Variants in C1QTNF8 observed in about 807,000 individuals in gnomAD.
C1QTNF8 encodes the protein complement C1q tumor necrosis factor-related protein 8.
C1QTNF8 carries 27 observed loss-of-function variants against 19.2 expected under a neutral mutation model. The observed-to-expected ratio is 1.41, with a 90% CI of 1.04 to 1.94. The LOEUF (loss-of-function observed/expected upper bound fraction) is 1.94. C1QTNF8 is among the 30% of genes most tolerant of loss of function. The pLI is 0.00. For synonymous variants in C1QTNF8, 208 were observed against 172.8 expected (o/e 1.20, Z -1.60); for missense variants, 484 against 374.4 (o/e 1.29, Z -2.42).
chr16:1,091,434 C>T (rs1226056549), intron 4 of C1QTNF8, among the ~76,000 whole-genome samples: 1 of 152,090 alleles, frequency 6.6e-6, no homozygotes, highest in Non-Finnish European at 1.5e-5. Flanking sequence ...GGAGGGAGGC[C>T]CAGGTCAGGT....
chr16:1,094,948 A>G lies in C1QTNF8; in HGVS notation c.-11-15T>C. The G allele has an allele frequency of 1.3e-5, 15 of 1,156,996 alleles. No individual in the cohort carries two copies. The highest frequency in any genetic ancestry group is 1.6e-5 in the Non-Finnish European group (14 of 891,698). 71.7% of individuals were successfully genotyped at this position (1,156,996 alleles called of 1,614,324 possible). A position where few individuals can be genotyped will look rare whatever the true frequency, so the allele number is the denominator to read the frequency against. ...CTTGGCCAGGGCTGGGGGAGAGGAAAGAGGGGAGGGACTGAGAAGGAGGTG... is the reference window on the plus strand; with the variant it reads ...CTTGGCCAGGGCTGGGGGAGAGGAAGGAGGGGAGGGACTGAGAAGGAGGTG... On this transcript the variant is annotated splice_polypyrimidine_tract_variant and intron_variant, in intron 2 of 4. Transcript: ENST00000328449.
Position 1,089,539 on chromosome 16 carries a change from G to A in C1QTNF8, c.*1060C>T, listed in dbSNP as rs996961832. ...TGCTGCACGGGAAGCTGAGGCGACA[G>A]GCAGAGCTGGCAGGGACACGGGCTC... On this transcript the variant is annotated 3_prime_UTR_variant, in exon 5 of 5. Coordinates refer to ENST00000328449, the MANE Select transcript of C1QTNF8 (RefSeq NM_207419.3). Among the ~76,000 whole-genome samples, 31 of 152,252 alleles carry A rather than the reference G, an allele frequency of 2.0e-4. No individual in the cohort carries two copies. Among genetic ancestry groups the A allele is most frequent in the African/African-American group, 7.0e-4 (29 of 41,466 alleles).
rs1192538113 is a variant in C1QTNF8 at position 1,088,458 on chromosome 16, G to T, written c.*2141C>A. On this transcript the variant is annotated 3_prime_UTR_variant, in exon 5 of 5. Transcript: ENST00000328449. ...GTGGCTCCCCCTTGTCTCCTAAGTG[G>T]CCAGGGCAGCACGAGGCTGTCGCTG... is the stretch of plus-strand genomic sequence containing the variant. Among the ~76,000 whole-genome samples the T allele has an allele frequency of 3.9e-5, 6 of 152,154 alleles. 1 individual carries two copies. The highest frequency in any genetic ancestry group is 2.0e-4 in the Admixed American group (3 of 15,272).
intron 3 of C1QTNF8, among the ~76,000 whole-genome samples, 192 bp from the exon 4 acceptor site, chr16:1,094,243 G>A (rs1445133274): frequency 1.3e-5 from 2 of 152,212 alleles, no homozygotes; most frequent in African/African-American, 2.4e-5. Context: ...GGTGTGGCTA[G>A]ACCAAGGCCT....
Position 1,093,968 on chromosome 16 carries a change from G to A in C1QTNF8, c.292C>T (p.Arg98Cys), listed in dbSNP as rs761816202. The A allele has an allele frequency of 8.2e-6, 12 of 1,468,048 alleles. No individual in the cohort carries two copies. The highest frequency in any genetic ancestry group is 2.7e-5 in the South Asian group (2 of 73,146). The allele number at this position is 1,468,048 out of a possible 1,614,324, so 90.9% of individuals were successfully genotyped here. Residue 98 changes from arginine (R) to cysteine (C), a missense_variant, in exon 4 of 5, where the codon CGC becomes TGC. Arg to Cys is a radical substitution (Grantham distance 180, BLOSUM62 -3). Transcript: ENST00000328449. ...CCCACCTGCCCCTTCTGGCCTCTGC[G>A]GCCCTGCAGGCCCCGGGCGCCTGGC... Reference protein sequence around the residue: ...GPPGARGLQGRRGQKGQVGPP... With the variant: ...GPPGARGLQGCRGQKGQVGPP...
Position 1,089,655 on chromosome 16 carries a change from G to T in C1QTNF8, c.*944C>A, listed in dbSNP as rs748922483. Among the ~76,000 whole-genome samples, 1 of 152,200 alleles carries T rather than the reference G, an allele frequency of 6.6e-6. No homozygotes were observed. Among genetic ancestry groups the T allele is most frequent in the African/African-American group, 2.4e-5 (1 of 41,440 alleles). On this transcript the variant is annotated 3_prime_UTR_variant, in exon 5 of 5. Transcript: ENST00000328449. ...TGGGAACGGGCTGAGTGAGCACAAG[G>T]CTCCCCAGAGTGCTGACCAGGCGCC... is the stretch of plus-strand genomic sequence containing the variant.
rs1484844420 is a variant in C1QTNF8 at position 1,093,633 on chromosome 16, C to T, written c.627G>A (p.Leu209=). 6.2e-7 allele frequency: 1 copy of T among 1,609,308 alleles called. No individual in the cohort carries two copies. Among genetic ancestry groups the T allele is most frequent in the Admixed American group, 1.7e-5 (1 of 59,702 alleles). ...RSVMQAQSLM[L]LLAAGDAVWV... ...AGACGGCGTCGCCCGCCGCCAGCAG[C>T]AGCATCAGGCTCTGGGCCTGCATGA... Residue 209 remains leucine (L), a synonymous_variant, in exon 4 of 5, where the codon CTG becomes CTA. Coordinates refer to ENST00000328449, the MANE Select transcript of C1QTNF8 (RefSeq NM_207419.3).
Position 1,089,871 on chromosome 16 carries a change from AG to A in C1QTNF8, c.*727del, listed in dbSNP as rs1960508066. The stretch of plus-strand genomic sequence containing the variant: ...CTCTAAGGCGGAAGCCTCTGTGCCA[AG>A]GCCCCGTGAGTGCCCGGAGATGGCT... On this transcript the variant is annotated 3_prime_UTR_variant, in exon 5 of 5. Transcript: ENST00000328449. The A allele has an allele frequency of 6.6e-6, 1 of 152,222 alleles. No homozygotes were observed. The highest frequency in any genetic ancestry group is 1.5e-5 in the Non-Finnish European group (1 of 68,084). 9.4% of individuals were successfully genotyped at this position (152,222 alleles called of 1,614,324 possible). A position where few individuals can be genotyped will look rare whatever the true frequency, so the allele number is the denominator to read the frequency against.
rs1013841173 is a variant in C1QTNF8 at position 1,088,753 on chromosome 16, C to A, written c.*1846G>T. ...ATTCATTAGACACCCCCGCCAGCTT[C>A]CAAGAGACCTTGCACCCCTGCCCGC... On this transcript the variant is annotated 3_prime_UTR_variant, in exon 5 of 5. Transcript: ENST00000328449. Among the ~76,000 whole-genome samples the A allele has an allele frequency of 1.3e-5, 2 of 152,226 alleles. No homozygotes were observed. The highest frequency in any genetic ancestry group is 2.9e-5 in the Non-Finnish European group (2 of 68,020).
chr16:1,091,855 C>T (rs915906543), intron 4 of C1QTNF8, among the ~76,000 whole-genome samples: 5 of 145,876 alleles, frequency 3.4e-5, no homozygotes, highest in Non-Finnish European at 6.0e-5. Flanking sequence ...TCCCGGCCAC[C>T]GTGAGTGCTG....
chr16:1,094,838 A>G lies in C1QTNF8; in HGVS notation c.85T>C (p.Cys29Arg). ...PGLPRRPCVHCCRPAWPPGPY... is the reference protein window; with the variant it reads ...PGLPRRPCVHRCRPAWPPGPY... ...CCAGGGGGCCAGGCCGGGCGGCAGC[A>G]GTGCACACAGGGCCTCCTGGGCAGC... is the stretch of plus-strand genomic sequence containing the variant. Residue 29 changes from cysteine to arginine, a missense_variant, in exon 3 of 5, where the codon TGC becomes CGC. Physicochemically the swap from Cys to Arg is radical, Grantham distance 180 (BLOSUM62 -3). Coordinates refer to ENST00000328449, the MANE Select transcript of C1QTNF8 (RefSeq NM_207419.3). 1.4e-6 allele frequency: 2 copies of G among 1,450,808 alleles called. No individual in the cohort carries two copies. The highest frequency in any genetic ancestry group is 1.5e-5 in the South Asian group (1 of 65,662). 89.9% of individuals were successfully genotyped at this position (1,450,808 alleles called of 1,614,324 possible).
Position 1,093,687 on chromosome 16 carries a change from C to T in C1QTNF8, c.573G>A (p.Val191=). The change falls in exon 4 of 5, where the codon GTG becomes GTA. Residue 191 remains valine, a synonymous_variant. Coordinates refer to ENST00000328449, the MANE Select transcript of C1QTNF8 (RefSeq NM_207419.3). ...TGCGCTCGCTGGGCTGCGCGTAGAG[C>T]ACGGCCGCGGGCCGCCGGTTCAGCA... ...HIMLNRRPAA[V]LYAQPSERSV... The T allele has an allele frequency of 6.2e-7, 1 of 1,610,934 alleles. No individual in the cohort carries two copies. The highest frequency in any genetic ancestry group is 1.3e-5 in the African/African-American group (1 of 75,000).
Position 1,093,909 on chromosome 16 carries a change from G to GGCGTAGGC in C1QTNF8, c.343_350dup (p.Ala118ProfsTer29). ...CCTCGCGCCGGCCCACGGAGAAGGC[G>GGCGTAGGC]GCGTAGGCACGTCGGCACGCGGCGC... On this transcript the variant is annotated frameshift_variant, in exon 4 of 5. Transcript: ENST00000328449. LOFTEE classifies it high-confidence loss of function. 7 of 1,548,092 alleles carry GGCGTAGGC rather than the reference G, an allele frequency of 4.5e-6. No individual in the cohort carries two copies. Among genetic ancestry groups the GGCGTAGGC allele is most frequent in the East Asian group, 2.4e-5 (1 of 42,384 alleles).
chr16:1,093,838 T>C lies in C1QTNF8; in HGVS notation c.422A>G (p.Glu141Gly). ...DHFQAVPFDT[E>G]LVNLDGAFDL... ...GAAGGCGCCGTCCAGGTTCACCAGC[T>C]CCGTGTCGAAGGGCACCGCCTGGAA... The change falls in exon 4 of 5, where the codon GAG becomes GGG. Residue 141 changes from glutamate to glycine, a missense_variant. Transcript: ENST00000328449. The C allele has an allele frequency of 6.2e-7, 1 of 1,607,452 alleles. No individual in the cohort carries two copies. The highest frequency in any genetic ancestry group is 8.5e-7 in the Non-Finnish European group (1 of 1,179,258).
At position 1,093,993 on chromosome 16, in the gene C1QTNF8, C is replaced by T. The variant is rs13336810; in HGVS notation, c.267G>A (p.Pro89=). The change falls in exon 4 of 5, where the codon CCG becomes CCA. Residue 89 remains proline (P), a synonymous_variant. Transcript: ENST00000328449. ...GGCCCTGCAGGCCCCGGGCGCCTGG[C>T]GGCCCCTCTTTCCCGCTCCTGCCGG... ...GRAGRSGKEG[P]PGARGLQGRR... 3,491 of 1,475,962 alleles carry T rather than the reference C, an allele frequency of 2.4e-3. 77 individuals are homozygous for T. The African/African-American group carries it at 0.047, about 20-fold the overall frequency. 91.4% of individuals were successfully genotyped at this position (1,475,962 alleles called of 1,614,324 possible). A position where few individuals can be genotyped will look rare whatever the true frequency, so the allele number is the denominator to read the frequency against.
intron 3 of C1QTNF8, 122 bp downstream of exon 3, chr16:1,094,593 G>T: frequency 1.4e-6 from 1 of 735,976 alleles, no homozygotes; most frequent in Non-Finnish European, 2.1e-6. Flanking sequence ...GCGCTGCCAG[G>T]GCAGACACTG....
At position 1,089,500 on chromosome 16, in the gene C1QTNF8, C is replaced by T. The variant is rs1418213547; in HGVS notation, c.*1099G>A. On this transcript the variant is annotated 3_prime_UTR_variant, in exon 5 of 5. Coordinates refer to ENST00000328449, the MANE Select transcript of C1QTNF8 (RefSeq NM_207419.3). ...CTGCTCTGGGGTCCCCGACAGAGGC[C>T]TTTGCGCACCCCCTGCTGCACGGGA... 6.6e-6 allele frequency among the ~76,000 whole-genome samples: 1 copy of T among 152,202 alleles called. No homozygotes were observed. Among genetic ancestry groups the T allele is most frequent in the East Asian group, 1.9e-4 (1 of 5,186 alleles).
At position 1,093,523 on chromosome 16, in the gene C1QTNF8, ACCAGGTGG is replaced by A; in HGVS notation, c.729_736del (p.His244GlnfsTer128). 2 of 1,547,248 alleles carry A rather than the reference ACCAGGTGG, an allele frequency of 1.3e-6. No homozygotes were observed. The highest frequency in any genetic ancestry group is 1.7e-6 in the Non-Finnish European group (2 of 1,143,938). ...CGGCTACAGCTCGGCGGCCGGCTTGACCAGGTGGCCGCTGAAGGTGATGTAGAGGTCTC... is the reference window on the plus strand; with the variant it reads ...CGGCTACAGCTCGGCGGCCGGCTTGACCGCTGAAGGTGATGTAGAGGTCTC... On this transcript the variant is annotated frameshift_variant, in exon 4 of 5. Coordinates refer to ENST00000328449, the MANE Select transcript of C1QTNF8 (RefSeq NM_207419.3). LOFTEE classifies it high-confidence loss of function.
intron 1 of C1QTNF8, 88 bp downstream of exon 1, chr16:1,096,068 G>C (rs1239818773): frequency 6.6e-6 from 1 of 152,308 alleles, no homozygotes; most frequent in Non-Finnish European, 1.5e-5. Context: ...TTCAGGGGGA[G>C]CCCGACCTGC....
Sources: allele counts gnomAD v4.1 joint callset (sites outside exome capture counted in the v4.1 genomes callset), GRCh38; gene constraint gnomAD v4.1.1; transcripts MANE v1.5; gene names NCBI Gene and HGNC (gene_info 2026-07-23, HGNC 2026-07-21).